The following KIF26B variants were observed in gnomAD, a reference collection of about 807,000 sequenced individuals.
KIF26B encodes kinesin-like protein KIF26B.
In KIF26B, 63 loss-of-function variants were observed where a neutral mutation model predicts 151.2. The observed-to-expected ratio is 0.42, with a 90% CI of 0.34 to 0.51. The LOEUF is 0.51. Among genes scored for constraint, KIF26B ranks in the 20% least tolerant of loss-of-function variants. The pLI is 0.07. For synonymous variants in KIF26B, 1,357 were observed against 1,262.1 expected (o/e 1.08, Z -1.59); for missense variants, 2,813 against 2,913.6 (o/e 0.97, Z 0.79).
At chr1:245,527,913 A>G (rs974176585) in intron 4 of KIF26B, among the ~76,000 whole-genome samples, 9 of 152,044 alleles carry the variant, frequency 5.9e-5, no homozygotes, top group Admixed American at 2.0e-4. Context: ...TATTAAGCCC[A>G]GTTTCCATAA....
At chr1:245,622,867 C>T (rs555643042) in intron 9 of KIF26B, among the ~76,000 whole-genome samples, 2 of 152,118 alleles carry the variant, frequency 1.3e-5, no homozygotes, top group South Asian at 2.1e-4. Context: ...CCCAGAGACA[C>T]GCCTCTCTGG....
At chr1:245,245,216 C>T (rs944600011) in intron 2 of KIF26B, among the ~76,000 whole-genome samples, 18 of 152,190 alleles carry the variant, frequency 1.2e-4, no homozygotes, top group Admixed American at 8.5e-4. Context: ...TCTGAGCGAT[C>T]TGGCCTTTGT....
At chr1:245,216,135 T>C (rs1264072614) in intron 2 of KIF26B, 1 of 151,968 alleles carries the variant, frequency 6.6e-6, no homozygotes, top group African/African-American at 2.4e-5. Context: ...TTGTGCATAT[T>C]ACCTGTTATT....
chr1:245,640,637 T>A (rs980943357), intron 9 of KIF26B, among the ~76,000 whole-genome samples: 1 of 152,136 alleles, frequency 6.6e-6, no homozygotes, highest in Non-Finnish European at 1.5e-5. Flanking sequence ...TTTGATAGCA[T>A]GTTTTAATTT....
Position 245,688,820 on chromosome 1 carries a change from G to T in KIF26B, c.5824+13G>T, listed in dbSNP as rs1397403942. 2 of 1,554,794 alleles carry T rather than the reference G, an allele frequency of 1.3e-6. No homozygotes were observed. On this transcript the variant is annotated intron_variant, in intron 12 of 14. Coordinates refer to ENST00000407071, the MANE Select transcript of KIF26B (RefSeq NM_018012.4). ...CGCTCCAATCCAGGTAGGCGGCTGG[G>T]CGCAGGGACGCGGGTGAGGAGGGCG...
intron 2 of KIF26B, among the ~76,000 whole-genome samples, chr1:245,356,526 C>T (rs1672704969): frequency 2.0e-5 from 3 of 151,914 alleles, no homozygotes; most frequent in Admixed American, 2.0e-4. Context: ...CATTGTACTC[C>T]AGCCTGGGTG....
chr1:245,237,700 A>G (rs1670138628), intron 2 of KIF26B, among the ~76,000 whole-genome samples: 1 of 152,148 alleles, frequency 6.6e-6, no homozygotes, highest in South Asian at 2.1e-4. Context: ...TTGGATTAAT[A>G]CAGGGAGTCT....
intron 5 of KIF26B, among the ~76,000 whole-genome samples, chr1:245,548,230 G>A (rs1376733702): frequency 6.6e-6 from 1 of 151,906 alleles, no homozygotes; most frequent in Non-Finnish European, 1.5e-5. Flanking sequence ...TTTCATCTTT[G>A]TACCCTTTCA....
intron 10 of KIF26B, among the ~76,000 whole-genome samples, chr1:245,668,940 C>T (rs1163963189): frequency 6.6e-6 from 1 of 152,182 alleles, no homozygotes; most frequent in Non-Finnish European, 1.5e-5. Context: ...ATCCGCCTGC[C>T]TCAGATCACC....
chr1:245,219,443 G>A (rs1669718509), intron 2 of KIF26B, among the ~76,000 whole-genome samples: 1 of 151,924 alleles, frequency 6.6e-6, no homozygotes, highest in Admixed American at 6.6e-5. Flanking sequence ...ATAGAAGTAG[G>A]TATTTGCAGC....
rs577819693 is a variant in KIF26B at position 245,613,821 on chromosome 1, GTA to G, written c.2098+1848_2098+1849del. Among the ~76,000 whole-genome samples the G allele has an allele frequency of 1.2e-4, 18 of 152,302 alleles. No homozygotes were observed. In the South Asian group the frequency reaches 3.5e-3, roughly 30 times the overall value. On this transcript the variant is annotated intron_variant, in intron 9 of 14. Coordinates refer to ENST00000407071, the MANE Select transcript of KIF26B (RefSeq NM_018012.4). ...GTTGTTAAAATCCAGGTTTATTGCA[GTA>G]TAAGGTACATTCACCAAAACATCAC...
intron 4 of KIF26B, among the ~76,000 whole-genome samples, chr1:245,448,910 T>C (rs1458576654): frequency 6.6e-6 from 1 of 152,236 alleles, no homozygotes; most frequent in Admixed American, 6.5e-5. Flanking sequence ...TTGGCTGTCC[T>C]TGTGATTTTT....
rs150509383 is a variant in KIF26B, at chr1:245,704,156, C to G, written c.*1550C>G. 1 of 152,260 alleles carries G rather than the reference C, an allele frequency of 6.6e-6. No homozygotes were observed. The highest frequency in any genetic ancestry group is 1.5e-5 in the Non-Finnish European group (1 of 68,066). 9.4% of individuals were successfully genotyped at this position (152,260 alleles called of 1,614,324 possible). On this transcript the variant is annotated 3_prime_UTR_variant, in exon 15 of 15. Coordinates refer to ENST00000407071, the MANE Select transcript of KIF26B (RefSeq NM_018012.4). ...GCCCAGAATCTAAGAGTCCCTGCAGCCTTCGCATCGAGGATGGTACTTAGG... is the reference window on the plus strand; with the variant it reads ...GCCCAGAATCTAAGAGTCCCTGCAGGCTTCGCATCGAGGATGGTACTTAGG...
chr1:245,206,545 G>A (rs188410336), intron 2 of KIF26B: 18 of 152,226 alleles, frequency 1.2e-4, no homozygotes, highest in African/African-American at 4.1e-4. Context: ...GTTGCACATA[G>A]CTATGCAGGC....
intron 2 of KIF26B, among the ~76,000 whole-genome samples, chr1:245,307,743 T>TC (rs1491323746): frequency 3.0e-3 from 64 of 21,666 alleles, no homozygotes; most frequent in Admixed American, 0.016. Flanking sequence ...TCTCTCTCTC[T>TC]TTTTTTTTTT....
At chr1:245,235,346 C>G (rs1670084856) in intron 2 of KIF26B, among the ~76,000 whole-genome samples, 1 of 151,808 alleles carries the variant, frequency 6.6e-6, no homozygotes, top group Admixed American at 6.6e-5. Flanking sequence ...AATTCCAGTG[C>G]TTTGAGAGGC....
At chr1:245,294,563 G>T (rs1014247608) in intron 2 of KIF26B, among the ~76,000 whole-genome samples, 13 of 152,132 alleles carry the variant, frequency 8.5e-5, no homozygotes, top group African/African-American at 3.1e-4. Context: ...TTATCTAAAT[G>T]GTTGAATTTC....
intron 5 of KIF26B, among the ~76,000 whole-genome samples, chr1:245,573,323 A>G (rs1238925811): frequency 6.6e-6 from 1 of 152,132 alleles, no homozygotes; most frequent in African/African-American, 2.4e-5. Context: ...GGAGTTTGAG[A>G]CCAGCTTGCC....
intron 5 of KIF26B, among the ~76,000 whole-genome samples, chr1:245,556,328 CCTTCTTCCTCCTTCCTCCCTCCT>C (rs1558213084): frequency 1.2e-4 from 15 of 123,378 alleles, no homozygotes; most frequent in African/African-American, 4.7e-4. Flanking sequence ...TCTTCTTCCT[CCTTCTTCCTCCTTCCTCCCTCCT>C]CCTCCTCCTC....
Sources: gnomAD v4.1 joint callset for allele counts (sites outside exome capture counted in the v4.1 genomes callset) on GRCh38, gnomAD v4.1.1 for gene constraint, MANE v1.5 for transcripts, NCBI Gene and HGNC (gene_info 2026-07-23, HGNC 2026-07-21) for gene names.